The following KCNC4 variants were observed in gnomAD, a reference collection of about 807,000 sequenced individuals.
KCNC4 encodes the protein voltage-gated potassium channel KCNC4.
KCNC4 carries 23 observed loss-of-function variants against 42.8 expected under a neutral mutation model. The ratio of observed to expected loss-of-function variants is 0.54; its 90% CI spans 0.39 to 0.76. KCNC4 has a LOEUF of 0.76. Among genes scored for constraint, KCNC4 ranks in the 30% least tolerant of loss-of-function variants. The probability of loss-of-function intolerance (pLI) is 0.00; values close to 1 mark genes in which losing one functional copy is unlikely to be tolerated. For missense variants in KCNC4, 751 were observed against 898.2 expected (o/e 0.84, Z 2.10); for synonymous variants, 422 against 393.5 (o/e 1.07, Z -0.86).
Position 110,211,111 on chromosome 1 carries a change from C to G in KCNC4, c.-389C>G, listed in dbSNP as rs2100972447. Among the ~76,000 whole-genome samples, 1 of 152,390 alleles carries G rather than the reference C, an allele frequency of 6.6e-6. No homozygotes were observed. Among genetic ancestry groups the G allele is most frequent in the South Asian group, 2.1e-4 (1 of 4,834 alleles). On this transcript the variant is annotated 5_prime_UTR_variant, in exon 1 of 4. Transcript: ENST00000438661. The surrounding 1 kb of genome is among the most constrained non-coding windows in gnomAD (Gnocchi z 6.5). ...CCGTGTGAGCGCGAGCGCCCCGGAC[C>G]TTCGCGGTGCGCGTGGACTGTGCGC...
intron 3 of KCNC4, chr1:110,232,699 C>T: frequency 6.7e-7 from 1 of 1,490,528 alleles, no homozygotes; most frequent in Non-Finnish European, 8.9e-7. Flanking sequence ...TCTTCCTGGC[C>T]TTTTAGCCCT....
At chr1:110,213,030 G>A (rs1485793364) in intron 1 of KCNC4, among the ~76,000 whole-genome samples, 1 of 152,008 alleles carries the variant, frequency 6.6e-6, no homozygotes, top group East Asian at 1.9e-4. Context: ...TGCTTGAAAT[G>A]GGTGTATGAG....
chr1:110,275,914 C>T (rs780223398), intron 1 of KCNC4, among the ~76,000 whole-genome samples: 34 of 146,138 alleles, frequency 2.3e-4, no homozygotes, highest in African/African-American at 7.1e-4. Context: ...GCTGAGATCA[C>T]GCCACTGCAC....
chr1:110,248,015 G>A (rs892485596), exon 4 of KCNC4: 1 of 152,152 alleles, frequency 6.6e-6, no homozygotes, highest in African/African-American at 2.4e-5. Context: ...CTGTAGCCCT[G>A]GCCAATTAGA....
At chr1:110,283,457 G>A (rs1659862837), downstream of KCNC4, among the ~76,000 whole-genome samples, 1 of 152,168 alleles carries the variant, frequency 6.6e-6, no homozygotes, top group Admixed American at 6.5e-5. Flanking sequence ...AGAGACATTA[G>A]GTCAGGGGAT....
At chr1:110,274,725 C>T (rs1036091852) in intron 1 of KCNC4, among the ~76,000 whole-genome samples, 1 of 152,152 alleles carries the variant, frequency 6.6e-6, no homozygotes, top group East Asian at 1.9e-4. Context: ...CTACAGCCAA[C>T]TGATCTTTGA....
intron 1 of KCNC4, 86 bp downstream of exon 1, chr1:110,212,263 A>G: frequency 1.5e-6 from 2 of 1,294,384 alleles, no homozygotes; most frequent in Non-Finnish European, 2.0e-6. Context: ...AGGAGCAGGG[A>G]CCGAGCCTGA....
intron 1 of KCNC4, among the ~76,000 whole-genome samples, chr1:110,259,588 G>A (rs927758870): frequency 6.6e-6 from 1 of 152,166 alleles, no homozygotes; most frequent in Non-Finnish European, 1.5e-5. Context: ...AGGCCCAAGA[G>A]GCTGCATTTG....
rs1487612297 is a variant in KCNC4, at chr1:110,226,025, G to A, written c.1666G>A (p.Ala556Thr). Residue 556 changes from alanine (A) to threonine (T), a missense_variant, in exon 3 of 4, where the codon GCT becomes ACT. Ala to Thr is a moderately conservative substitution (Grantham distance 58). Coordinates refer to ENST00000438661, the MANE Select transcript of KCNC4 (RefSeq NM_001039574.3). ...ANAVLSDEEG[A>T]GLTQPLASSP... is the part of the protein sequence containing the mutation. ...CGCAGTGCTGTCTGATGAGGAGGGA[G>A]CTGGCCTCACCCAACCCCTGGCCTC... The A allele has an allele frequency of 6.2e-7, 1 of 1,613,380 alleles. No homozygotes were observed.
At chr1:110,255,100 G>A (rs1049119203) in intron 1 of KCNC4, among the ~76,000 whole-genome samples, 3 of 152,252 alleles carry the variant, frequency 2.0e-5, no homozygotes, top group Non-Finnish European at 4.4e-5. Flanking sequence ...ACTCTGGTGA[G>A]AGCAGGGAAC....
chr1:110,257,800 G>T (rs2101072706), intron 1 of KCNC4, among the ~76,000 whole-genome samples: 1 of 151,074 alleles, frequency 6.6e-6, no homozygotes, highest in South Asian at 2.1e-4. Flanking sequence ...CATCAGGGAT[G>T]CAGCTTTCTT....
At chr1:110,226,494 C>T (rs138242582) in intron 3 of KCNC4, among the ~76,000 whole-genome samples, 125 of 152,340 alleles carry the variant, frequency 8.2e-4, no homozygotes, top group Non-Finnish European at 1.5e-3. Flanking sequence ...CTCTGGTTCC[C>T]GCTGCTGCCT....
chr1:110,263,052 A>C (rs1659481385), intron 1 of KCNC4, among the ~76,000 whole-genome samples: 1 of 152,164 alleles, frequency 6.6e-6, no homozygotes, highest in South Asian at 2.1e-4. Context: ...ACCTGTTTGC[A>C]TCTGTCACTT....
At chr1:110,231,516 T>G (rs1658691454) in intron 3 of KCNC4, among the ~76,000 whole-genome samples, 1 of 151,950 alleles carries the variant, frequency 6.6e-6, no homozygotes, top group Admixed American at 6.5e-5. Flanking sequence ...CTGTGACTCC[T>G]TCTGTCTCAT....
intron 1 of KCNC4, among the ~76,000 whole-genome samples, chr1:110,278,517 G>A (rs1022247344): frequency 6.6e-6 from 1 of 152,180 alleles, no homozygotes; most frequent in African/African-American, 2.4e-5. Flanking sequence ...ATTGTGCCAA[G>A]GTTGAGAAAC....
chr1:110,245,537 G>A (rs1033320191), exon 4 of KCNC4: 3 of 152,138 alleles, frequency 2.0e-5, no homozygotes, highest in Non-Finnish European at 4.4e-5. Flanking sequence ...TATCCTGCAC[G>A]TGGTGATTGT....
At chr1:110,220,724 C>G (rs1406833547) in intron 1 of KCNC4, 1 of 152,188 alleles carries the variant, frequency 6.6e-6, no homozygotes, top group Non-Finnish European at 1.5e-5. Context: ...ATGGCCACGG[C>G]CACGGACAGG....
chr1:110,273,490 C>T (rs1323845164), intron 1 of KCNC4, among the ~76,000 whole-genome samples: 2 of 152,162 alleles, frequency 1.3e-5, no homozygotes, highest in African/African-American at 2.4e-5. Context: ...TCCTTCCCTC[C>T]GCTGACACTA....
At chr1:110,252,109 T>C (rs1659259569), downstream of KCNC4, among the ~76,000 whole-genome samples, 1 of 152,168 alleles carries the variant, frequency 6.6e-6, no homozygotes, top group Non-Finnish European at 1.5e-5. Flanking sequence ...CCTCCACTCC[T>C]AATCAAGGTG....
Sources: gnomAD v4.1 joint callset for allele counts (sites outside exome capture counted in the v4.1 genomes callset) on GRCh38, gnomAD v4.1.1 for gene constraint, Gnocchi (gnomAD v3.1) non-coding constraint, MANE v1.5 for transcripts, NCBI Gene and HGNC (gene_info 2026-07-23, HGNC 2026-07-21) for gene names.